AP2B1: variants seen among roughly 807,000 people sequenced by gnomAD.
The protein encoded by AP2B1 is adaptor related protein complex 2 subunit beta 1, also known as AP-2 complex subunit beta.
A neutral mutation model predicts 102.0 loss-of-function variants in AP2B1; 23 were observed. The ratio of observed to expected loss-of-function variants is 0.23; its 90% CI spans 0.16 to 0.32. The LOEUF (loss-of-function observed/expected upper bound fraction) is 0.32. Among genes scored for constraint, AP2B1 ranks in the 10% least tolerant of loss-of-function variants. The pLI is 1.00. For missense variants in AP2B1, 541 were observed against 1,157.4 expected (o/e 0.47, Z 7.73); for synonymous variants, 381 against 421.2 (o/e 0.90, Z 1.17).
In AP2B1 at chr17:35,587,356, A is replaced by G. The variant is rs2072925454; in HGVS notation, c.-96A>G. 6.5e-6 allele frequency: 1 copy of G among 152,748 alleles called. No individual in the cohort carries two copies. The highest frequency in any genetic ancestry group is 2.1e-4 in the South Asian group (1 of 4,844). The allele number at this position is 152,748 out of a possible 1,614,324, so 9.5% of individuals were successfully genotyped here. A position where few individuals can be genotyped will look rare whatever the true frequency, so the allele number is the denominator to read the frequency against. On this transcript the variant is annotated 5_prime_UTR_variant, in exon 1 of 22. Coordinates refer to ENST00000610402, the MANE Select transcript of AP2B1 (RefSeq NM_001030006.2). ...AAAGAATCGTGACGGGCAGGAAACCATTACACCACCACCTGGGCTGTGCTC... is the reference window on the plus strand; with the variant it reads ...AAAGAATCGTGACGGGCAGGAAACCGTTACACCACCACCTGGGCTGTGCTC...
At chr17:35,720,567 ATATATATTTTTTTTTTTTT>A (rs2085344733) in intron 21 of AP2B1, among the ~76,000 whole-genome samples, 1 of 52,344 alleles carries the variant, frequency 1.9e-5, no homozygotes, top group African/African-American at 7.5e-5. Flanking sequence ...ATATATATAT[ATATATATTTTTTTTTTTTT>A]TTTTTTTTTT....
At chr17:35,670,836 T>A (rs1275270623) in intron 14 of AP2B1, 21 bp from the exon 15 acceptor site, 1 of 1,613,558 alleles carries the variant, frequency 6.2e-7, no homozygotes, top group South Asian at 1.1e-5. Context: ...CTCTCTCCTC[T>A]CTCTCCTTTC....
chr17:35,718,106 A>T (rs1180986574), intron 21 of AP2B1, among the ~76,000 whole-genome samples: 4 of 152,058 alleles, frequency 2.6e-5, no homozygotes, highest in African/African-American at 9.7e-5. Flanking sequence ...TTTTATGGGG[A>T]TCTATTTATT....
intron 20 of AP2B1, among the ~76,000 whole-genome samples, chr17:35,716,965 G>C (rs2076562728): frequency 6.6e-6 from 1 of 152,204 alleles, no homozygotes; most frequent in Non-Finnish European, 1.5e-5. Context: ...TAAACCATAG[G>C]TGTACCTTAT....
At chr17:35,711,626 A>G (rs1242395391) in intron 20 of AP2B1, among the ~76,000 whole-genome samples, 1 of 150,908 alleles carries the variant, frequency 6.6e-6, no homozygotes, top group East Asian at 2.0e-4. Flanking sequence ...CAGCCACCAC[A>G]CCCGGCTAAT....
intron 14 of AP2B1, among the ~76,000 whole-genome samples, chr17:35,662,811 A>G (rs781042376): frequency 2.1e-4 from 32 of 152,134 alleles, no homozygotes; most frequent in Non-Finnish European, 2.6e-4. Flanking sequence ...TGTTCATCCA[A>G]GGTGCTGTGC....
chr17:35,608,062 C>G, intron 4 of AP2B1, 80 bp from the exon 5 acceptor site: 3 of 1,531,602 alleles, frequency 2.0e-6, no homozygotes, highest in South Asian at 2.4e-5. Context: ...TGAGGTAATT[C>G]TTTTGCAGCT....
chr17:35,636,169 A>G (rs1269167334), intron 9 of AP2B1, among the ~76,000 whole-genome samples, 172 bp from the exon 10 acceptor site: 1 of 152,210 alleles, frequency 6.6e-6, no homozygotes, highest in Non-Finnish European at 1.5e-5. Context: ...ATAATAAATA[A>G]AACTGTATCA....
intron 20 of AP2B1, chr17:35,713,878 TCTC>T (rs2076499587): frequency 6.6e-6 from 1 of 152,208 alleles, no homozygotes; most frequent in South Asian, 2.1e-4. Flanking sequence ...AACAGAAGTC[TCTC>T]CTTTCTAGCA....
At chr17:35,651,115 G>A (rs1027703464) in intron 13 of AP2B1, 16 of 235,378 alleles carry the variant, frequency 6.8e-5, no homozygotes, top group African/African-American at 3.6e-4. Flanking sequence ...TCTGCAGTAA[G>A]AAGAGACTAG....
intron 14 of AP2B1, among the ~76,000 whole-genome samples, chr17:35,668,462 A>G (rs757483473): frequency 1.3e-5 from 2 of 151,888 alleles, no homozygotes; most frequent in Non-Finnish European, 2.9e-5. Context: ...TTAAAGCGCT[A>G]CTCTCTGCAA....
At chr17:35,625,961 C>A (rs2074302655) in intron 6 of AP2B1, among the ~76,000 whole-genome samples, 2 of 152,128 alleles carry the variant, frequency 1.3e-5, no homozygotes, top group Admixed American at 6.5e-5. Context: ...TTCTAAAGAA[C>A]CCTCAACAGA....
chr17:35,608,446 C>A, intron 5 of AP2B1, 59 bp downstream of exon 5: 1 of 1,591,670 alleles, frequency 6.3e-7, no homozygotes, highest in Non-Finnish European at 8.6e-7. Flanking sequence ...CTTGTTAAAG[C>A]GTGTTTAATA....
intron 14 of AP2B1, among the ~76,000 whole-genome samples, chr17:35,670,246 T>C (rs917599738): frequency 6.6e-6 from 1 of 152,216 alleles, no homozygotes; most frequent in African/African-American, 2.4e-5. Flanking sequence ...ACTTCCTCCT[T>C]AGATAGTTCA....
chr17:35,680,397 C>A (rs2075792141), intron 17 of AP2B1, among the ~76,000 whole-genome samples: 1 of 151,912 alleles, frequency 6.6e-6, no homozygotes, highest in South Asian at 2.1e-4. Flanking sequence ...GGGTCTTGCT[C>A]TTTTGCCCAG....
chr17:35,686,526 A>T (rs1306669581), intron 18 of AP2B1, among the ~76,000 whole-genome samples: 1 of 152,186 alleles, frequency 6.6e-6, no homozygotes, highest in Admixed American at 6.5e-5. Flanking sequence ...CATGGTCTTT[A>T]TGTAGATGCT....
chr17:35,665,439 T>C (rs2075445670), intron 14 of AP2B1, among the ~76,000 whole-genome samples: 1 of 152,186 alleles, frequency 6.6e-6, no homozygotes, highest in Admixed American at 6.5e-5. Context: ...AATAGCTTTT[T>C]GAAGATCATA....
chr17:35,658,095 A>T (rs1049144652), intron 14 of AP2B1, among the ~76,000 whole-genome samples: 6 of 152,086 alleles, frequency 3.9e-5, no homozygotes, highest in African/African-American at 7.2e-5. Context: ...TCCAGAGTTT[A>T]TTATTGTTCC....
chr17:35,721,443 C>T (rs1281188936), intron 21 of AP2B1, among the ~76,000 whole-genome samples: 1 of 152,114 alleles, frequency 6.6e-6, no homozygotes, highest in Non-Finnish European at 1.5e-5. Context: ...CCTCTTTCTC[C>T]CTAGGAGCCA....
Sources: allele counts gnomAD v4.1 joint callset (sites outside exome capture counted in the v4.1 genomes callset), GRCh38; gene constraint gnomAD v4.1.1; transcripts MANE v1.5; gene names NCBI Gene and HGNC (gene_info 2026-07-23, HGNC 2026-07-21).